The following CDH12 variants were observed in gnomAD, a reference collection of about 807,000 sequenced individuals.
CDH12 encodes cadherin-12.
Under a neutral mutation model 74.1 loss-of-function variants are expected in CDH12, and 41 were observed. The observed-to-expected ratio is 0.55, with a 90% CI of 0.43 to 0.72. The LOEUF (loss-of-function observed/expected upper bound fraction) is 0.72, where lower values mean the gene tolerates loss of function less well. CDH12 is among the 30% of genes least tolerant of loss of function. The pLI is 0.00. For synonymous variants in CDH12, 399 were observed against 355.0 expected (o/e 1.12, Z -1.39); for missense variants, 945 against 977.2 (o/e 0.97, Z 0.44).
At chr5:22,088,073 C>A (rs1485338469) in intron 4 of CDH12, among the ~76,000 whole-genome samples, 1 of 152,070 alleles carries the variant, frequency 6.6e-6, no homozygotes, top group Non-Finnish European at 1.5e-5. Context: ...ATGATAGGTG[C>A]ATTCTGAGAG....
intron 8 of CDH12, among the ~76,000 whole-genome samples, chr5:21,831,917 A>G (rs1007819712): frequency 1.3e-5 from 2 of 152,088 alleles, no homozygotes; most frequent in African/African-American, 4.8e-5. Context: ...CACTCTGCCA[A>G]TATTTTAATT....
chr5:22,771,762 G>A (rs1746818981), intron 1 of CDH12, among the ~76,000 whole-genome samples: 1 of 151,966 alleles, frequency 6.6e-6, no homozygotes, highest in Non-Finnish European at 1.5e-5. Flanking sequence ...CCTTATCAGA[G>A]AATGACCAGT....
At chr5:21,864,308 T>A (rs1017701164) in intron 6 of CDH12, among the ~76,000 whole-genome samples, 1 of 152,082 alleles carries the variant, frequency 6.6e-6, no homozygotes, top group Non-Finnish European at 1.5e-5. Context: ...TCAGAGAAGA[T>A]TGCATGTGAG....
intron 3 of CDH12, among the ~76,000 whole-genome samples, chr5:22,272,983 T>C (rs1361279530): frequency 6.6e-6 from 1 of 152,122 alleles, no homozygotes; most frequent in African/African-American, 2.4e-5. Flanking sequence ...GCAAGGGAAA[T>C]GCCAGATGCT....
intron 3 of CDH12, among the ~76,000 whole-genome samples, chr5:22,321,324 A>G (rs1738868885): frequency 1.3e-5 from 2 of 148,954 alleles, no homozygotes; most frequent in South Asian, 4.4e-4. Flanking sequence ...ATAAAAAATG[A>G]TGAGTTCACG....
At chr5:22,077,824 T>C (rs1358677407) in intron 5 of CDH12, among the ~76,000 whole-genome samples, 1 of 152,174 alleles carries the variant, frequency 6.6e-6, no homozygotes, top group Non-Finnish European at 1.5e-5. Flanking sequence ...TCTGTTGATG[T>C]GTACATATTT....
At chr5:21,758,469 T>C (rs923702139) in intron 13 of CDH12, among the ~76,000 whole-genome samples, 1 of 152,184 alleles carries the variant, frequency 6.6e-6, no homozygotes, top group Non-Finnish European at 1.5e-5. Flanking sequence ...ATACAATTTG[T>C]TCACTTGTTC....
chr5:21,941,365 A>T (rs1755321273), intron 6 of CDH12, among the ~76,000 whole-genome samples: 1 of 152,226 alleles, frequency 6.6e-6, no homozygotes, highest in Admixed American at 6.5e-5. Context: ...ATGAAAAGAT[A>T]AAAATTAAGA....
intron 1 of CDH12, among the ~76,000 whole-genome samples, chr5:22,825,977 T>C (rs1419889156): frequency 6.6e-6 from 1 of 152,188 alleles, no homozygotes; most frequent in African/African-American, 2.4e-5. Flanking sequence ...GAATAACCAG[T>C]AAGCATATAA....
At chr5:22,060,930 C>T (rs1741146284) in intron 5 of CDH12, among the ~76,000 whole-genome samples, 1 of 152,102 alleles carries the variant, frequency 6.6e-6, no homozygotes, top group Non-Finnish European at 1.5e-5. Flanking sequence ...ATCTGCTTTG[C>T]CCCTATGTTA....
chr5:22,459,931 G>C (rs914956658), intron 2 of CDH12, among the ~76,000 whole-genome samples: 4 of 152,086 alleles, frequency 2.6e-5, no homozygotes, highest in African/African-American at 9.7e-5. Context: ...TCACACCACT[G>C]TACTCCAACC....
intron 4 of CDH12, among the ~76,000 whole-genome samples, chr5:22,093,990 G>T (rs1743591798): frequency 6.6e-6 from 1 of 152,100 alleles, no homozygotes; most frequent in Admixed American, 6.6e-5. Flanking sequence ...TATTTCCACT[G>T]ATTTACATGT....
intron 4 of CDH12, among the ~76,000 whole-genome samples, chr5:22,129,487 A>T (rs1341186610): frequency 6.6e-6 from 1 of 152,166 alleles, no homozygotes; most frequent in East Asian, 1.9e-4. Context: ...CTCTGGGCAA[A>T]ATGATCTTAG....
At chr5:22,602,144 C>T (rs1358143306) in intron 1 of CDH12, among the ~76,000 whole-genome samples, 1 of 152,012 alleles carries the variant, frequency 6.6e-6, no homozygotes, top group Non-Finnish European at 1.5e-5. Context: ...TGTCAATTAG[C>T]TGTCAGAAAA....
intron 5 of CDH12, among the ~76,000 whole-genome samples, chr5:22,048,740 A>G (rs1412610984): frequency 6.6e-6 from 1 of 152,178 alleles, no homozygotes; most frequent in Non-Finnish European, 1.5e-5. Context: ...AACATGGCAA[A>G]CAGCCTAAAT....
At chr5:22,539,321 G>T (rs905212095) in intron 1 of CDH12, among the ~76,000 whole-genome samples, 1 of 152,100 alleles carries the variant, frequency 6.6e-6, no homozygotes, top group Admixed American at 6.5e-5. Context: ...CATGGAAGTG[G>T]GTCTCCATAA....
chr5:22,290,842 A>T (rs1285532459), intron 3 of CDH12, among the ~76,000 whole-genome samples: 1 of 152,176 alleles, frequency 6.6e-6, no homozygotes, highest in African/African-American at 2.4e-5. Context: ...ATAATGAGTA[A>T]GGAAACTAAA....
At chr5:22,366,623 A>G (rs1580570393) in intron 3 of CDH12, among the ~76,000 whole-genome samples, 1 of 152,262 alleles carries the variant, frequency 6.6e-6, no homozygotes, top group Non-Finnish European at 1.5e-5. Context: ...TTTTGTTCAT[A>G]CTTTTTCATA....
chr5:21,912,013 C>A (rs1355770710), intron 6 of CDH12, among the ~76,000 whole-genome samples: 1 of 151,992 alleles, frequency 6.6e-6, no homozygotes, highest in Non-Finnish European at 1.5e-5. Flanking sequence ...TAAAGAGAAA[C>A]AAGTTAGGAC....
Sources: allele counts gnomAD v4.1 joint callset (sites outside exome capture counted in the v4.1 genomes callset), GRCh38; gene constraint gnomAD v4.1.1; transcripts MANE v1.5; gene names NCBI Gene and HGNC (gene_info 2026-07-23, HGNC 2026-07-21).